BEND7: variants seen among roughly 807,000 people sequenced by gnomAD.
The protein encoded by BEND7 is BEN domain containing 7.
BEND7 carries 28 observed loss-of-function variants against 50.9 expected under a neutral mutation model. That is an observed-to-expected ratio of 0.55 (90% CI 0.41 to 0.75). The LOEUF (loss-of-function observed/expected upper bound fraction) is 0.75, where lower values mean the gene tolerates loss of function less well. BEND7 is among the 30% of genes least tolerant of loss of function. The probability of loss-of-function intolerance (pLI) is 0.00; values close to 1 mark genes in which losing one functional copy is unlikely to be tolerated. For synonymous variants in BEND7, 170 were observed against 183.9 expected (o/e 0.92, Z 0.61); for missense variants, 477 against 491.3 (o/e 0.97, Z 0.28).
intron 6 of BEND7, among the ~76,000 whole-genome samples, chr10:13,472,265 G>C (rs1291232044): frequency 6.6e-6 from 1 of 151,638 alleles, no homozygotes; most frequent in Non-Finnish European, 1.5e-5. Context: ...CATCATCGTT[G>C]TTAGATTTGG....
chr10:13,449,847 C>T lies in BEND7; in HGVS notation c.1184-2531G>A, dbSNP rs925929113. ...AGCTGCATGAATAGGGGCTGAGAGT[C>T]AAGGAGGAAGGCACTGTTGTGTTAC... On this transcript the variant is annotated intron_variant, in intron 7 of 8. Coordinates refer to ENST00000466271, the MANE Select transcript of BEND7 (RefSeq NM_001369863.1). Among the ~76,000 whole-genome samples the T allele has an allele frequency of 2.6e-5, 4 of 152,300 alleles. No homozygotes were observed. The East Asian group carries it at 7.7e-4, about 29-fold the overall frequency.
chr10:13,473,863 T>TA (rs1455143836), intron 6 of BEND7, among the ~76,000 whole-genome samples: 2 of 151,266 alleles, frequency 1.3e-5, no homozygotes, highest in Non-Finnish European at 2.9e-5. Context: ...TCATCGCTGT[T>TA]AGACTTGGGG....
At chr10:13,447,051 G>T in intron 8 of BEND7, 1 of 574,974 alleles carries the variant, frequency 1.7e-6, no homozygotes, top group Non-Finnish European at 3.1e-6. Flanking sequence ...AGATTTTTAT[G>T]AAAATAAGAG....
chr10:13,502,821 C>T, intron 2 of BEND7: 1 of 845,728 alleles, frequency 1.2e-6, no homozygotes, highest in Non-Finnish European at 1.4e-6. Context: ...GCTCCCTGAA[C>T]AGAGCAGCCA....
At chr10:13,515,591 A>C (rs1208590831) in intron 2 of BEND7, among the ~76,000 whole-genome samples, 2 of 152,238 alleles carry the variant, frequency 1.3e-5, no homozygotes, top group Non-Finnish European at 2.9e-5. Flanking sequence ...GCGTGCAATA[A>C]GCTATCCTTT....
Position 13,467,864 on chromosome 10 carries a change from C to T in BEND7, c.1063+13035G>A, listed in dbSNP as rs190442771. 9.8e-5 allele frequency among the ~76,000 whole-genome samples: 15 copies of T among 152,316 alleles called. No individual in the cohort carries two copies. The East Asian group carries it at 1.7e-3, about 18-fold the overall frequency. On this transcript the variant is annotated intron_variant, in intron 6 of 8. Coordinates refer to ENST00000466271, the MANE Select transcript of BEND7 (RefSeq NM_001369863.1). ...AAACTGACTGATTTCTTCCTTCCCTCTTTCCTTCCTTCCTGTATTTATGGA... is the reference window on the plus strand; with the variant it reads ...AAACTGACTGATTTCTTCCTTCCCTTTTTCCTTCCTTCCTGTATTTATGGA...
At chr10:13,467,499 GA>G (rs1312409227) in intron 6 of BEND7, among the ~76,000 whole-genome samples, 1 of 152,166 alleles carries the variant, frequency 6.6e-6, no homozygotes, top group African/African-American at 2.4e-5. Context: ...GTTTCTCTTT[GA>G]TATTTAACAA....
chr10:13,497,971 TCAAAATTGTAG>T (rs938217346), intron 3 of BEND7, among the ~76,000 whole-genome samples: 20 of 152,138 alleles, frequency 1.3e-4, no homozygotes, highest in African/African-American at 4.6e-4. Context: ...TTATTTACAT[TCAAAATTGTAG>T]CAAAATTGTA....
chr10:13,458,875 G>T (rs1029730311), intron 6 of BEND7, among the ~76,000 whole-genome samples: 1 of 152,106 alleles, frequency 6.6e-6, no homozygotes, highest in Non-Finnish European at 1.5e-5. Flanking sequence ...TCCTCTTACT[G>T]TCTTAGAGCT....
intron 6 of BEND7, among the ~76,000 whole-genome samples, chr10:13,474,608 C>A (rs953275997): frequency 2.7e-5 from 4 of 150,782 alleles, no homozygotes; most frequent in Non-Finnish European, 4.4e-5. Flanking sequence ...CTGTTGGACT[C>A]GGGTCGATAC....
At chr10:13,464,794 T>C (rs1163820965) in intron 6 of BEND7, among the ~76,000 whole-genome samples, 1 of 152,248 alleles carries the variant, frequency 6.6e-6, no homozygotes, top group African/African-American at 2.4e-5. Context: ...CCTAGGGCTA[T>C]GCCACAGAAA....
chr10:13,475,352 T>C (rs2075344353), intron 6 of BEND7, among the ~76,000 whole-genome samples: 1 of 152,258 alleles, frequency 6.6e-6, no homozygotes, highest in South Asian at 2.1e-4. Flanking sequence ...TCTTTCAGCA[T>C]TCATCACTTT....
At chr10:13,519,323 A>G (rs1473523727) in intron 2 of BEND7, among the ~76,000 whole-genome samples, 1 of 152,060 alleles carries the variant, frequency 6.6e-6, no homozygotes, top group Non-Finnish European at 1.5e-5. Flanking sequence ...AAAATACAAA[A>G]AAATTAGCCG....
chr10:13,460,598 CCCTCAG>C (rs1436949394), intron 6 of BEND7, among the ~76,000 whole-genome samples: 9 of 152,204 alleles, frequency 5.9e-5, no homozygotes, highest in African/African-American at 1.7e-4. Context: ...GTTTGGATGC[CCCTCAG>C]CCTCAGCACA....
intron 2 of BEND7, among the ~76,000 whole-genome samples, chr10:13,513,318 G>A (rs891792786): frequency 7.2e-5 from 11 of 152,030 alleles, no homozygotes; most frequent in African/African-American, 2.7e-4. Flanking sequence ...CTCTCTCCTG[G>A]CTCCACTGAC....
At chr10:13,451,986 T>C (rs1837853561) in intron 7 of BEND7, among the ~76,000 whole-genome samples, 1 of 152,096 alleles carries the variant, frequency 6.6e-6, no homozygotes, top group Admixed American at 6.6e-5. Context: ...ACAGTCACAA[T>C]GAAACGGGTG....
intron 2 of BEND7, among the ~76,000 whole-genome samples, chr10:13,522,918 G>C (rs762066242): frequency 2.0e-5 from 3 of 152,196 alleles, no homozygotes; most frequent in Non-Finnish European, 2.9e-5. Flanking sequence ...GCTGCAAAGA[G>C]CAAATCAGGT....
At chr10:13,439,552 T>C (rs1835084885), downstream of BEND7, 61 of 1,501,782 alleles carry the variant, frequency 4.1e-5, no homozygotes, top group South Asian at 7.0e-4. Context: ...CTCACCTGTC[T>C]CCTCCAAATC....
At chr10:13,525,838 T>C (rs538167217) in intron 2 of BEND7, among the ~76,000 whole-genome samples, 6 of 152,242 alleles carry the variant, frequency 3.9e-5, no homozygotes, top group African/African-American at 4.8e-5. Flanking sequence ...TGCCAACGAA[T>C]ATGCAATGTA....
Sources: gnomAD v4.1 joint callset for allele counts (sites outside exome capture counted in the v4.1 genomes callset) on GRCh38, gnomAD v4.1.1 for gene constraint, MANE v1.5 for transcripts, NCBI Gene and HGNC (gene_info 2026-07-23, HGNC 2026-07-21) for gene names.